L3MBTL4: variants seen among roughly 807,000 people sequenced by gnomAD.
L3MBTL4 encodes L3MBTL histone methyl-lysine binding protein 4.
A neutral mutation model predicts 84.5 loss-of-function variants in L3MBTL4; 70 were observed. The ratio of observed to expected loss-of-function variants is 0.83; its 90% confidence interval spans 0.68 to 1.01. The LOEUF is 1.01. L3MBTL4 is among the 50% of genes least tolerant of loss of function. L3MBTL4 has a pLI of 0.00. For synonymous variants in L3MBTL4, 274 were observed against 259.8 expected (o/e 1.05, Z -0.52); for missense variants, 715 against 754.8 (o/e 0.95, Z 0.62).
intron 1 of L3MBTL4, among the ~76,000 whole-genome samples, chr18:6,333,573 C>CAAA (rs34185426): frequency 1.8e-4 from 12 of 65,858 alleles, no homozygotes; most frequent in East Asian, 3.9e-4. Flanking sequence ...GACTCCATCT[C>CAAA]AAAAAAAAAA....
chr18:6,409,372 T>C (rs1162363246), intron 1 of L3MBTL4, among the ~76,000 whole-genome samples: 2 of 152,206 alleles, frequency 1.3e-5, no homozygotes, highest in Non-Finnish European at 2.9e-5. Context: ...GAAGGAACGA[T>C]GAAAATTAAG....
At chr18:6,194,962 C>T (rs184195785) in intron 12 of L3MBTL4, among the ~76,000 whole-genome samples, 35 of 152,342 alleles carry the variant, frequency 2.3e-4, no homozygotes, top group Middle Eastern at 3.4e-3. Context: ...CTGCCTCTTG[C>T]TAGCTAAGTG....
intron 3 of L3MBTL4, among the ~76,000 whole-genome samples, chr18:6,302,803 T>G (rs1224519559): frequency 1.3e-5 from 2 of 152,012 alleles, no homozygotes; most frequent in African/African-American, 4.8e-5. Flanking sequence ...GCCAACATGG[T>G]GAAAATCCGT....
intron 10 of L3MBTL4, among the ~76,000 whole-genome samples, chr18:6,220,204 A>G (rs1222805817): frequency 2.6e-5 from 4 of 152,156 alleles, no homozygotes; most frequent in Non-Finnish European, 5.9e-5. Flanking sequence ...AATGGTAAAT[A>G]TAAGTTAAAA....
chr18:6,381,362 G>A (rs1242427004), intron 1 of L3MBTL4, among the ~76,000 whole-genome samples: 1 of 152,204 alleles, frequency 6.6e-6, no homozygotes, highest in Non-Finnish European at 1.5e-5. Context: ...GTGTGAATTT[G>A]ATTCTTTCAC....
chr18:6,269,052 T>A (rs2048755495), intron 4 of L3MBTL4, among the ~76,000 whole-genome samples: 1 of 152,218 alleles, frequency 6.6e-6, no homozygotes, highest in South Asian at 2.1e-4. Flanking sequence ...ACAGTCAAAA[T>A]GGAACAGAAA....
intron 16 of L3MBTL4, among the ~76,000 whole-genome samples, chr18:6,077,013 C>G (rs2057876675): frequency 6.6e-6 from 1 of 152,084 alleles, no homozygotes; most frequent in Admixed American, 6.5e-5. Flanking sequence ...TAATTCACCT[C>G]CCTCAGCTTG....
intron 12 of L3MBTL4, among the ~76,000 whole-genome samples, chr18:6,174,345 CA>C (rs2044123211): frequency 6.6e-6 from 1 of 151,996 alleles, no homozygotes; most frequent in South Asian, 2.1e-4. Flanking sequence ...AAAATATGTT[CA>C]AAAACTTAAT....
At chr18:5,969,699 C>CA in intron 16 of L3MBTL4, 137 bp from the exon 17 acceptor site, 1 of 760,144 alleles carries the variant, frequency 1.3e-6, no homozygotes, top group Non-Finnish European at 2.1e-6. Flanking sequence ...TCTGATCGTA[C>CA]AGCATCACCC....
intron 13 of L3MBTL4, among the ~76,000 whole-genome samples, chr18:6,170,064 T>C (rs182739446): frequency 2.4e-4 from 37 of 152,236 alleles, no homozygotes; most frequent in Non-Finnish European, 4.1e-4. Context: ...TTAATAATTA[T>C]AAATTCATGC....
At chr18:6,072,600 G>A (rs2057696883) in intron 16 of L3MBTL4, among the ~76,000 whole-genome samples, 1 of 151,112 alleles carries the variant, frequency 6.6e-6, no homozygotes, top group African/African-American at 2.4e-5. Context: ...CAGCACTCTG[G>A]GAGGCCGAGG....
intron 4 of L3MBTL4, among the ~76,000 whole-genome samples, chr18:6,286,290 C>A (rs2049585084): frequency 5.9e-5 from 9 of 151,650 alleles, no homozygotes; most frequent in Admixed American, 5.9e-4. Flanking sequence ...ATGGTGAAAC[C>A]CCATCTCTAC....
chr18:6,001,205 T>C (rs965136316), intron 16 of L3MBTL4, among the ~76,000 whole-genome samples: 51 of 152,354 alleles, frequency 3.3e-4, no homozygotes, highest in African/African-American at 1.2e-3. Context: ...GAGGCCTTTA[T>C]AGCAATCCCC....
intron 16 of L3MBTL4, among the ~76,000 whole-genome samples, chr18:6,080,358 A>G (rs2058034459): frequency 6.6e-6 from 1 of 152,204 alleles, no homozygotes; most frequent in Admixed American, 6.5e-5. Context: ...CAACCTCAAA[A>G]TTCTGTCTAT....
intron 12 of L3MBTL4, among the ~76,000 whole-genome samples, chr18:6,191,893 G>A (rs1284545597): frequency 1.3e-5 from 2 of 152,068 alleles, no homozygotes; most frequent in African/African-American, 4.8e-5. Context: ...AGGAAGCAGA[G>A]GTGGGAAGAT....
intron 1 of L3MBTL4, among the ~76,000 whole-genome samples, chr18:6,338,943 C>T (rs915958094): frequency 1.3e-5 from 2 of 151,768 alleles, no homozygotes; most frequent in Admixed American, 6.6e-5. Flanking sequence ...GGCAATAATC[C>T]CTTATGAAAA....
chr18:5,986,102 T>C (rs1306334164), intron 16 of L3MBTL4, among the ~76,000 whole-genome samples: 2 of 152,192 alleles, frequency 1.3e-5, no homozygotes, highest in Non-Finnish European at 2.9e-5. Context: ...CTGATTTACC[T>C]GAGAATGAAA....
At chr18:6,161,704 C>T (rs925435054) in intron 13 of L3MBTL4, among the ~76,000 whole-genome samples, 3 of 152,102 alleles carry the variant, frequency 2.0e-5, no homozygotes, top group African/African-American at 7.2e-5. Flanking sequence ...ATTTCAGGCC[C>T]GGCGTGCTCA....
chr18:6,080,293 TAA>T (rs1568082741), intron 16 of L3MBTL4: 1 of 152,266 alleles, frequency 6.6e-6, no homozygotes, highest in Admixed American at 6.5e-5. Context: ...TGCATCTGAC[TAA>T]ATCAAAACGG....
Sources: gnomAD v4.1 joint callset for allele counts (sites outside exome capture counted in the v4.1 genomes callset) on GRCh38, gnomAD v4.1.1 for gene constraint, MANE v1.5 for transcripts, NCBI Gene and HGNC (gene_info 2026-07-23, HGNC 2026-07-21) for gene names.